The following ZBED4 variants were observed in gnomAD, a reference collection of about 807,000 sequenced individuals.
The protein encoded by ZBED4 is zinc finger BED domain-containing protein 4.
ZBED4 carries 4 observed loss-of-function variants against 15.5 expected under a neutral mutation model. That is an observed-to-expected ratio of 0.26 (90% confidence interval 0.13 to 0.59). The LOEUF is 0.59. Among genes scored for constraint, ZBED4 ranks in the 20% least tolerant of loss-of-function variants. ZBED4 has a pLI of 0.90. For missense variants in ZBED4, 1,323 were observed against 1,461.8 expected (o/e 0.91, Z 1.55); for synonymous variants, 692 against 608.5 (o/e 1.14, Z -2.02).
At chr22:49,856,831 C>T (rs945880999) in intron 1 of ZBED4, among the ~76,000 whole-genome samples, 4 of 151,084 alleles carry the variant, frequency 2.6e-5, no homozygotes, top group South Asian at 2.1e-4. Context: ...GAATCCCGGC[C>T]GGCTTCCCAC....
At chr22:49,871,757 AT>A (rs58224171) in intron 1 of ZBED4, among the ~76,000 whole-genome samples, 14,676 of 62,104 alleles carry the variant, frequency 0.24, 2,139 homozygotes, top group African/African-American at 0.39. Context: ...TTATTTATTT[AT>A]TTTTTTTTTT....
At position 49,886,195 on chromosome 22, in the gene ZBED4, A is replaced by T. The variant is rs142858097; in HGVS notation, c.2533A>T (p.Met845Leu). The T allele has an allele frequency of 2.7e-6, 2 of 738,380 alleles. No homozygotes were observed. The highest frequency in any genetic ancestry group is 1.8e-5 in the African/African-American group (1 of 57,128). 45.7% of individuals were successfully genotyped at this position (738,380 alleles called of 1,614,324 possible). ...CAGCGAGGCCATTAAGAGCCAGCGG[A>T]TGGTGCAGAACCTGCTGAGCCTCGC... ...IVSEAIKSQR[M>L]VQNLLSLARK... The change falls in exon 2 of 2, where the codon ATG becomes TTG. Residue 845 changes from methionine to leucine, a missense_variant. By Grantham distance (15) the Met-to-Leu change is conservative (BLOSUM62 2). Coordinates refer to ENST00000216268, the MANE Select transcript of ZBED4 (RefSeq NM_014838.3). This position sits in a 1 kb window ranked among gnomAD's most constrained non-coding sequence, Gnocchi z 7.7.
At chr22:49,854,038 C>CTGGGACTTCTCTGGA (rs2060263716) in intron 1 of ZBED4, 49 bp downstream of exon 1, 1 of 145,432 alleles carries the variant, frequency 6.9e-6, no homozygotes, top group Admixed American at 6.8e-5. Context: ...AGCCCCGTCC[C>CTGGGACTTCTCTGGA]CCGCGGACCG....
chr22:49,867,369 G>A (rs1211231335), intron 1 of ZBED4, among the ~76,000 whole-genome samples: 3 of 152,342 alleles, frequency 2.0e-5, no homozygotes, highest in Non-Finnish European at 2.9e-5. Context: ...GCCAGGCGGC[G>A]GTGGGAGCGG....
intron 1 of ZBED4, among the ~76,000 whole-genome samples, chr22:49,867,837 G>A (rs1048480653): frequency 1.6e-4 from 24 of 152,278 alleles, no homozygotes; most frequent in Middle Eastern, 3.4e-3. Context: ...CTGATGTGCC[G>A]AGCATCATAG....
rs199668546 is a variant in ZBED4 at position 49,885,549 on chromosome 22, G to A, written c.1887G>A (p.Val629=). The A allele has an allele frequency of 1.2e-6, 2 of 1,605,372 alleles. No individual in the cohort carries two copies. Among genetic ancestry groups the A allele is most frequent in the South Asian group, 1.1e-5 (1 of 90,974 alleles). Residue 629 remains valine (V), a synonymous_variant, in exon 2 of 2, where the codon GTG becomes GTA. Coordinates refer to ENST00000216268, the MANE Select transcript of ZBED4 (RefSeq NM_014838.3). ...TARPSSPDTR[V]PRGTELSGAS... ...GGCCCTCCTCTCCGGACACCCGGGT[G>A]CCGCGGGGCACAGAATTATCAGGCG...
chr22:49,862,693 CTTTTTTTTTTTTTTT>C (rs66520307), intron 1 of ZBED4, among the ~76,000 whole-genome samples: 10 of 58,988 alleles, frequency 1.7e-4, no homozygotes, highest in Admixed American at 2.7e-4. Context: ...TAAGTTTTTC[CTTTTTTTTTTTTTTT>C]TTTTTTTTTT....
Position 49,888,342 on chromosome 22 carries a change from T to C in ZBED4, c.*1164T>C, listed in dbSNP as rs1402721299. 2 of 167,066 alleles carry C rather than the reference T, an allele frequency of 1.2e-5. No individual in the cohort carries two copies. Among genetic ancestry groups the C allele is most frequent in the African/African-American group, 4.8e-5 (2 of 41,472 alleles). 10.3% of individuals were successfully genotyped at this position (167,066 alleles called of 1,614,324 possible). On this transcript the variant is annotated 3_prime_UTR_variant, in exon 2 of 2. Transcript: ENST00000216268. ...TTTTAGAAAAGTTGTTTTGTTGAAA[T>C]ACTGTACGTACGCTTAATCTAAATT...
At chr22:49,879,490 T>G (rs766198206) in intron 1 of ZBED4, among the ~76,000 whole-genome samples, 4 of 151,742 alleles carry the variant, frequency 2.6e-5, no homozygotes, top group Non-Finnish European at 5.9e-5. Context: ...CACCACTATA[T>G]CCGCTCTTAC....
In ZBED4 at chr22:49,883,793, G is replaced by A. The variant is rs757692941; in HGVS notation, c.131G>A (p.Ser44Asn). 230 of 1,613,398 alleles carry A rather than the reference G, an allele frequency of 1.4e-4. 2 individuals are homozygous for A. The South Asian group carries it at 2.5e-3, about 17-fold the overall frequency. The change falls in exon 2 of 2, where the codon AGC (serine) becomes AAC (asparagine). Residue 44 changes from serine (S) to asparagine (N), a missense_variant. Around this residue, in one of 6 missense-constraint regions of ZBED4, gnomAD observed 380 missense variants for 413.7 expected, o/e 0.92. Transcript: ENST00000216268. ...AGTTTGGAAAGAATGGACTTTAAAA[G>A]CGAGCAGGAGGACATGAAGCAGACA... Reference protein sequence around the residue: ...PDSLERMDFKSEQEDMKQTDS... With the variant: ...PDSLERMDFKNEQEDMKQTDS...
Position 49,884,939 on chromosome 22 carries a change from C to T in ZBED4, c.1277C>T (p.Ser426Phe), listed in dbSNP as rs2060429401. The T allele has an allele frequency of 9.9e-6, 16 of 1,608,906 alleles. No homozygotes were observed. Among genetic ancestry groups the T allele is most frequent in the Non-Finnish European group, 1.4e-5 (16 of 1,177,144 alleles). ...GATGACATAGGGGAGGCCTCGGCGT[C>T]CTCTCCTGAGAAGCAGCAGGCTGAT... The part of the protein sequence containing the change: ...SSDDIGEASA[S>F]SPEKQQADGL... The change falls in exon 2 of 2, where the codon TCC becomes TTC. Residue 426 changes from serine to phenylalanine, a missense_variant. Around this residue, in one of 6 missense-constraint regions of ZBED4, gnomAD observed 429 missense variants for 397.9 expected, o/e 1.08. Transcript: ENST00000216268.
intron 1 of ZBED4, among the ~76,000 whole-genome samples, chr22:49,859,702 T>C (rs1353456691): frequency 2.6e-5 from 4 of 152,234 alleles, no homozygotes; most frequent in African/African-American, 7.2e-5. Context: ...ATTTGAATTA[T>C]AGTTAAAATT....
Position 49,883,567 on chromosome 22 carries a change from GA to G in ZBED4, c.-91del. 1 of 1,418,838 alleles carries G rather than the reference GA, an allele frequency of 7.0e-7. No homozygotes were observed. The allele number at this position is 1,418,838 out of a possible 1,614,324, so 87.9% of individuals were successfully genotyped here. ...ACATCCTGAAAGATGGAATTATGAC[GA>G]AAAAGTGAAGATAATCTACATTCGG... On this transcript the variant is annotated 5_prime_UTR_variant, in exon 2 of 2. An upstream open reading frame in the 5' UTR loses its in-frame stop. Transcript: ENST00000216268.
At chr22:49,873,783 A>T (rs1460858285) in intron 1 of ZBED4, among the ~76,000 whole-genome samples, 1 of 152,184 alleles carries the variant, frequency 6.6e-6, no homozygotes, top group Admixed American at 6.5e-5. Flanking sequence ...ACCTAGAATG[A>T]GATGTCTGTT....
intron 1 of ZBED4, among the ~76,000 whole-genome samples, chr22:49,864,343 CA>C (rs2060310426): frequency 6.6e-6 from 1 of 152,254 alleles, no homozygotes; most frequent in African/African-American, 2.4e-5. Flanking sequence ...AATGGCAGTA[CA>C]ACTGCCACCT....
intron 1 of ZBED4, among the ~76,000 whole-genome samples, chr22:49,867,477 T>C (rs1330744680): frequency 2.6e-5 from 4 of 152,236 alleles, no homozygotes; most frequent in Non-Finnish European, 5.9e-5. Flanking sequence ...TAGTTCTGGG[T>C]GGCCTGGTAG....
At chr22:49,862,484 GTC>G (rs1456160512) in intron 1 of ZBED4, among the ~76,000 whole-genome samples, 2 of 152,100 alleles carry the variant, frequency 1.3e-5, no homozygotes, top group Non-Finnish European at 2.9e-5. Flanking sequence ...TAAAATCAGT[GTC>G]TAGCGTAATG....
At chr22:49,859,349 A>T (rs747198709) in intron 1 of ZBED4, among the ~76,000 whole-genome samples, 1 of 151,914 alleles carries the variant, frequency 6.6e-6, no homozygotes, top group Admixed American at 6.6e-5. Flanking sequence ...TATTTATTCC[A>T]TGTCATAATC....
At chr22:49,853,589 A>T (rs1325512241), upstream of ZBED4, among the ~76,000 whole-genome samples, 2 of 151,960 alleles carry the variant, frequency 1.3e-5, no homozygotes. Context: ...GTCGCCCGCC[A>T]GCGCCGGAGC....
Sources: allele counts gnomAD v4.1 joint callset (sites outside exome capture counted in the v4.1 genomes callset), GRCh38; gene constraint gnomAD v4.1.1; regional missense constraint gnomAD v4.1.1; non-coding constraint Gnocchi (gnomAD v3.1); transcripts MANE v1.5; gene names NCBI Gene and HGNC (gene_info 2026-07-23, HGNC 2026-07-21).